Variants in NEGR1 observed in about 807,000 individuals in gnomAD.
NEGR1 encodes IgLON family member 4.
Under a neutral mutation model 40.9 loss-of-function variants are expected in NEGR1, and 10 were observed. The observed-to-expected ratio is 0.24, with a 90% CI of 0.15 to 0.42. The LOEUF (loss-of-function observed/expected upper bound fraction) is 0.42, where lower values mean the gene tolerates loss of function less well. Among genes scored for constraint, NEGR1 ranks in the 10% least tolerant of loss-of-function variants. The pLI, the probability that NEGR1 is intolerant of heterozygous loss-of-function variation, is 1.00. For missense variants in NEGR1, 352 were observed against 438.9 expected, an observed-to-expected ratio of 0.80 and a Z score of 1.77; for synonymous variants, 185 against 166.8, an observed-to-expected ratio of 1.11 and a Z score of -0.84.
chr1:72,164,100 C>T (rs1356827244), intron 1 of NEGR1, among the ~76,000 whole-genome samples: 1 of 151,534 alleles, frequency 6.6e-6, no homozygotes, highest in East Asian at 1.9e-4. Flanking sequence ...TTTCAGGTCA[C>T]TGAGAAAAGT....
At chr1:71,542,365 C>T (rs1471992283) in intron 6 of NEGR1, among the ~76,000 whole-genome samples, 1 of 151,714 alleles carries the variant, frequency 6.6e-6, no homozygotes, top group Non-Finnish European at 1.5e-5. Flanking sequence ...TGGTACGAGC[C>T]TGTTGACAAG....
intron 1 of NEGR1, among the ~76,000 whole-genome samples, chr1:72,199,071 T>C (rs775344691): frequency 1.3e-5 from 2 of 151,838 alleles, no homozygotes; most frequent in Non-Finnish European, 2.9e-5. Context: ...TTGCCACTAA[T>C]GTCCTTTTGC....
intron 1 of NEGR1, among the ~76,000 whole-genome samples, chr1:72,136,710 C>A (rs189347132): frequency 5.5e-4 from 81 of 146,978 alleles, no homozygotes; most frequent in Non-Finnish European, 9.4e-4. Flanking sequence ...GACTAAAATA[C>A]CAAAAGCAAT....
intron 2 of NEGR1, among the ~76,000 whole-genome samples, chr1:71,872,570 A>C (rs367858649): frequency 4.6e-4 from 70 of 152,290 alleles, no homozygotes; most frequent in Middle Eastern, 3.4e-3. Flanking sequence ...TGCATCTCTC[A>C]GTGACCATCA....
In NEGR1 at chr1:72,139,024, A is replaced by G. The variant is rs977816512; in HGVS notation, c.176+143295T>C. ...TGTTCTCATTCCACAATAAAATTAA[A>G]TAACCATTCAAATAAAGAAAGATAT... On this transcript the variant is annotated intron_variant, in intron 1 of 6. Transcript: ENST00000357731. Among the ~76,000 whole-genome samples the G allele has an allele frequency of 7.2e-5, 11 of 152,078 alleles. No individual in the cohort carries two copies. In the East Asian group the frequency reaches 1.5e-3, roughly 21 times the overall value.
At chr1:71,950,868 C>A (rs538426121) in intron 1 of NEGR1, among the ~76,000 whole-genome samples, 1 of 151,892 alleles carries the variant, frequency 6.6e-6, no homozygotes, top group Non-Finnish European at 1.5e-5. Context: ...GGATACCATA[C>A]GATATATACA....
At chr1:71,561,660 G>A (rs1424995371) in intron 6 of NEGR1, among the ~76,000 whole-genome samples, 4 of 151,664 alleles carry the variant, frequency 2.6e-5, no homozygotes, top group South Asian at 2.1e-4. Flanking sequence ...TTCTCCATAC[G>A]CTTTGGTATT....
At chr1:72,250,562 T>C (rs1027636046) in intron 1 of NEGR1, among the ~76,000 whole-genome samples, 1 of 152,192 alleles carries the variant, frequency 6.6e-6, no homozygotes, top group Non-Finnish European at 1.5e-5. Flanking sequence ...GTCAATCTAC[T>C]TTCATTTGCC....
At chr1:71,408,062 A>G (rs903337528) in intron 6 of NEGR1, among the ~76,000 whole-genome samples, 1 of 152,064 alleles carries the variant, frequency 6.6e-6, no homozygotes, top group African/African-American at 2.4e-5. Flanking sequence ...TCAAACAATT[A>G]TAATACAGAA....
intron 1 of NEGR1, among the ~76,000 whole-genome samples, chr1:72,142,928 A>G (rs900430505): frequency 6.6e-6 from 1 of 151,878 alleles, no homozygotes; most frequent in African/African-American, 2.4e-5. Context: ...TGGAAGGTAC[A>G]TTTTGCTACA....
At position 71,565,682 on chromosome 1, in the gene NEGR1, G is replaced by T. The variant is rs1431394678; in HGVS notation, c.940+27135C>A. On this transcript the variant is annotated intron_variant, in intron 6 of 6. Transcript: ENST00000357731. ...CAGCACACAGCTGAAGGAAGAAAAG[G>T]CACATGAAATAAATATGATAGATGC... Among the ~76,000 whole-genome samples the T allele has an allele frequency of 2.0e-5, 3 of 152,070 alleles. No individual in the cohort carries two copies. The East Asian group carries it at 5.8e-4, about 29-fold the overall frequency.
chr1:71,719,919 T>C (rs906943161), intron 3 of NEGR1, among the ~76,000 whole-genome samples: 2 of 152,106 alleles, frequency 1.3e-5, no homozygotes, highest in Non-Finnish European at 2.9e-5. Flanking sequence ...TACAAAATAT[T>C]ATGTCCTGAC....
chr1:71,639,596 C>A (rs1048832926), intron 4 of NEGR1, among the ~76,000 whole-genome samples: 1 of 151,968 alleles, frequency 6.6e-6, no homozygotes, highest in African/African-American at 2.4e-5. Flanking sequence ...TCCTTGGACA[C>A]CAGTATATTA....
intron 3 of NEGR1, among the ~76,000 whole-genome samples, chr1:71,764,917 C>T (rs7541406): frequency 0.073 from 11,097 of 152,144 alleles, 509 homozygotes; most frequent in East Asian, 0.14. Flanking sequence ...ATTTCGCAAT[C>T]GGATTGTGAT....
intron 1 of NEGR1, among the ~76,000 whole-genome samples, chr1:72,115,232 A>G (rs1445114779): frequency 6.6e-6 from 1 of 151,734 alleles, no homozygotes; most frequent in Non-Finnish European, 1.5e-5. Context: ...TAGCATATAA[A>G]ATAATGTCAT....
At chr1:71,656,602 C>T (rs1375777146) in intron 4 of NEGR1, among the ~76,000 whole-genome samples, 1 of 152,054 alleles carries the variant, frequency 6.6e-6, no homozygotes, top group Non-Finnish European at 1.5e-5. Flanking sequence ...TTGGTAGAGA[C>T]GGGGTTTCAC....
intron 1 of NEGR1, among the ~76,000 whole-genome samples, chr1:71,950,333 A>G (rs1410815742): frequency 6.6e-6 from 1 of 152,064 alleles, no homozygotes; most frequent in African/African-American, 2.4e-5. Context: ...CACATAAGTA[A>G]CATTATTAAA....
At chr1:71,788,231 G>A (rs1380310130) in intron 2 of NEGR1, among the ~76,000 whole-genome samples, 1 of 151,978 alleles carries the variant, frequency 6.6e-6, no homozygotes. Flanking sequence ...AGAGTCCTAT[G>A]GTTACATGTG....
chr1:71,627,682 C>G (rs192026847), intron 4 of NEGR1, among the ~76,000 whole-genome samples: 1 of 151,946 alleles, frequency 6.6e-6, no homozygotes, highest in Non-Finnish European at 1.5e-5. Context: ...CATTTGGAAG[C>G]GAAGGAGAGT....
Sources: allele counts gnomAD v4.1 joint callset (sites outside exome capture counted in the v4.1 genomes callset), GRCh38; gene constraint gnomAD v4.1.1; transcripts MANE v1.5; gene names NCBI Gene and HGNC (gene_info 2026-07-23, HGNC 2026-07-21).